Variants in ZNF385D observed in about 807,000 individuals in gnomAD.
The protein encoded by ZNF385D is zinc finger protein 659.
ZNF385D carries 15 observed loss-of-function variants against 35.8 expected under a neutral mutation model. The observed-to-expected ratio is 0.42, with a 90% confidence interval of 0.28 to 0.64. The LOEUF (loss-of-function observed/expected upper bound fraction) is 0.64, where lower values mean the gene tolerates loss of function less well. Ranked by LOEUF, ZNF385D falls within the 30% of genes least tolerant of loss-of-function variation. ZNF385D has a pLI of 0.23. For synonymous variants in ZNF385D, 212 were observed against 186.8 expected, an observed-to-expected ratio of 1.13 and a Z score of -1.10; for missense variants, 474 against 494.6, an observed-to-expected ratio of 0.96 and a Z score of 0.39.
intron 3 of ZNF385D, among the ~76,000 whole-genome samples, chr3:21,798,302 A>T (rs1219114481): frequency 6.6e-6 from 1 of 152,212 alleles, no homozygotes; most frequent in Non-Finnish European, 1.5e-5. Context: ...GTCAGCTAGA[A>T]CTGCTCTCTC....
intron 3 of ZNF385D, among the ~76,000 whole-genome samples, chr3:22,111,318 T>C (rs1205689653): frequency 6.6e-6 from 1 of 151,692 alleles, no homozygotes; most frequent in African/African-American, 2.4e-5. Context: ...ACTTGGTAAA[T>C]GTAAGTTTAC....
intron 4 of ZNF385D, among the ~76,000 whole-genome samples, chr3:21,502,416 G>A (rs746590714): frequency 6.6e-6 from 1 of 152,094 alleles, no homozygotes; most frequent in Non-Finnish European, 1.5e-5. Flanking sequence ...CCTCCCTGCA[G>A]GATACATACA....
At chr3:21,779,667 C>T (rs1415852055) in intron 3 of ZNF385D, among the ~76,000 whole-genome samples, 1 of 151,876 alleles carries the variant, frequency 6.6e-6, no homozygotes, top group Non-Finnish European at 1.5e-5. Context: ...CTTCTCAATG[C>T]CACTCACTTT....
chr3:21,632,685 A>G (rs2065316432), intron 2 of ZNF385D, among the ~76,000 whole-genome samples: 2 of 152,152 alleles, frequency 1.3e-5, no homozygotes, highest in African/African-American at 4.8e-5. Flanking sequence ...ATGTATTTTC[A>G]GATTCAGCTG....
At chr3:21,522,925 C>G (rs933916414) in intron 3 of ZNF385D, among the ~76,000 whole-genome samples, 1 of 152,164 alleles carries the variant, frequency 6.6e-6, no homozygotes, top group South Asian at 2.1e-4. Flanking sequence ...TAACAGCACA[C>G]TATCCACCGG....
At chr3:22,063,820 C>T (rs1034245691) in intron 3 of ZNF385D, among the ~76,000 whole-genome samples, 1 of 152,158 alleles carries the variant, frequency 6.6e-6, no homozygotes, top group African/African-American at 2.4e-5. Context: ...TTCCTTGCTC[C>T]AACTAAGTAC....
intron 3 of ZNF385D, among the ~76,000 whole-genome samples, chr3:21,524,636 A>C (rs1230030022): frequency 2.6e-5 from 4 of 152,184 alleles, no homozygotes; most frequent in Non-Finnish European, 5.9e-5. Flanking sequence ...ATAAGGATAA[A>C]AGTCCTATCA....
chr3:21,564,533 G>A (rs751999507), intron 3 of ZNF385D, 41 bp downstream of exon 3: 4 of 1,197,460 alleles, frequency 3.3e-6, no homozygotes, highest in South Asian at 1.6e-5. Context: ...ACAGCAAAAT[G>A]TATTTTTTTT....
intron 3 of ZNF385D, among the ~76,000 whole-genome samples, chr3:21,523,693 A>T (rs187701075): frequency 3.0e-4 from 45 of 152,344 alleles, no homozygotes; most frequent in African/African-American, 9.1e-4. Flanking sequence ...ATGGGGAAAG[A>T]AGTCAGCTCT....
At chr3:22,313,477 A>G (rs1360767943) in intron 2 of ZNF385D, among the ~76,000 whole-genome samples, 2 of 152,178 alleles carry the variant, frequency 1.3e-5, no homozygotes, top group Non-Finnish European at 2.9e-5. Context: ...TAAATTATGA[A>G]TAAATTTCTA....
chr3:22,193,779 A>C (rs1308236458), intron 2 of ZNF385D, among the ~76,000 whole-genome samples: 1 of 152,042 alleles, frequency 6.6e-6, no homozygotes, highest in Non-Finnish European at 1.5e-5. Context: ...GGGAAATTCT[A>C]GGGTAAATAC....
chr3:22,123,037 T>C (rs1321443063), intron 3 of ZNF385D, among the ~76,000 whole-genome samples: 1 of 152,192 alleles, frequency 6.6e-6, no homozygotes, highest in African/African-American at 2.4e-5. Flanking sequence ...AGGACAACCA[T>C]GACATTCTTT....
intron 4 of ZNF385D, among the ~76,000 whole-genome samples, chr3:21,473,750 C>T (rs920387737): frequency 2.0e-5 from 3 of 152,048 alleles, no homozygotes; most frequent in Non-Finnish European, 2.9e-5. Context: ...ATGGGCTGAA[C>T]GTCTTTGGAA....
At chr3:22,049,244 C>T (rs1012091436) in intron 3 of ZNF385D, among the ~76,000 whole-genome samples, 7 of 150,908 alleles carry the variant, frequency 4.6e-5, no homozygotes, top group Admixed American at 6.6e-5. Flanking sequence ...TGCAGTGAGC[C>T]GAGACTGTGC....
In ZNF385D at chr3:21,916,951, C is replaced by T. The variant is rs527236679; in HGVS notation, c.325+251866G>A. 3.3e-5 allele frequency among the ~76,000 whole-genome samples: 5 copies of T among 152,292 alleles called. No homozygotes were observed. In the East Asian group the frequency reaches 9.7e-4, roughly 29 times the overall value. On this transcript the variant is annotated intron_variant, in intron 3 of 5. Transcript: ENST00000494108. ...ATGTCGATTAGCGTTAGCTCCCCCA[C>T]ACTCCCACTGCTGCTGGTTGTTATC...
In ZNF385D at chr3:21,512,163, A is replaced by AAC. The variant is rs1424746994; in HGVS notation, c.277-1141_277-1140insGT. Among the ~76,000 whole-genome samples the AAC allele has an allele frequency of 3.3e-5, 5 of 151,432 alleles. No homozygotes were observed. In the East Asian group the frequency reaches 9.7e-4, roughly 29 times the overall value. On this transcript the variant is annotated intron_variant, in intron 3 of 7. Coordinates refer to ENST00000281523, the MANE Select transcript of ZNF385D (RefSeq NM_024697.3). ...TCCATCTCAAAAAAAAAAAAAAAAA[A>AAC]AGAAGTACATAGAGATAGAAAGTCA...
At chr3:21,926,951 T>C (rs1248680370) in intron 3 of ZNF385D, among the ~76,000 whole-genome samples, 1 of 152,088 alleles carries the variant, frequency 6.6e-6, no homozygotes, top group Non-Finnish European at 1.5e-5. Context: ...CCTCTCCAAA[T>C]TTTATGTTGA....
intron 3 of ZNF385D, among the ~76,000 whole-genome samples, chr3:21,518,274 G>A (rs1451363678): frequency 6.6e-6 from 1 of 151,826 alleles, no homozygotes; most frequent in African/African-American, 2.4e-5. Context: ...GTGTATTTGG[G>A]GAATTTCTAT....
chr3:21,739,745 C>T (rs944494120), intron 1 of ZNF385D, among the ~76,000 whole-genome samples: 4 of 152,130 alleles, frequency 2.6e-5, no homozygotes, highest in Non-Finnish European at 5.9e-5. Flanking sequence ...TGGTCACCTG[C>T]AATTGATCTT....
Sources: gnomAD v4.1 joint callset for allele counts (sites outside exome capture counted in the v4.1 genomes callset) on GRCh38, gnomAD v4.1.1 for gene constraint, MANE v1.5 for transcripts, NCBI Gene and HGNC (gene_info 2026-07-23, HGNC 2026-07-21) for gene names.